The following PRRX1 variants were observed in gnomAD, a reference collection of about 807,000 sequenced individuals.
PRRX1 encodes paired mesoderm homeobox protein 1.
A neutral mutation model predicts 24.0 loss-of-function variants in PRRX1; 8 were observed. The observed-to-expected ratio is 0.33, with a 90% CI of 0.20 to 0.60. PRRX1 has a LOEUF of 0.60. PRRX1 is among the 20% of genes least tolerant of loss of function. The pLI, the probability that PRRX1 is intolerant of heterozygous loss-of-function variation, is 0.82. For synonymous variants in PRRX1, 160 were observed against 131.7 expected, an observed-to-expected ratio of 1.22 and a Z score of -1.47; for missense variants, 281 against 322.4, an observed-to-expected ratio of 0.87 and a Z score of 0.98.
chr1:170,718,549 C>A (rs1455098164), intron 1 of PRRX1, among the ~76,000 whole-genome samples: 2 of 152,180 alleles, frequency 1.3e-5, no homozygotes, highest in Non-Finnish European at 2.9e-5. Flanking sequence ...AGTGAATGGC[C>A]AAGCTCTCCT....
chr1:170,703,662 A>G (rs1654468422), intron 1 of PRRX1, among the ~76,000 whole-genome samples: 1 of 150,970 alleles, frequency 6.6e-6, no homozygotes, highest in Non-Finnish European at 1.5e-5. Flanking sequence ...GACACTTTCC[A>G]TTGGTATTTT....
intron 1 of PRRX1, among the ~76,000 whole-genome samples, chr1:170,691,284 A>G (rs1221069269): frequency 6.6e-6 from 1 of 152,134 alleles, no homozygotes; most frequent in Non-Finnish European, 1.5e-5. Flanking sequence ...CCAGAGAGTG[A>G]AATATAAAGT....
chr1:170,678,406 T>C (rs891133072), intron 1 of PRRX1, among the ~76,000 whole-genome samples: 2 of 152,234 alleles, frequency 1.3e-5, no homozygotes, highest in African/African-American at 4.8e-5. Context: ...TGAGGCACTT[T>C]GACAAGTTTA....
intron 1 of PRRX1, among the ~76,000 whole-genome samples, chr1:170,682,994 A>G (rs554949586): frequency 9.2e-5 from 14 of 152,336 alleles, no homozygotes; most frequent in African/African-American, 2.6e-4. Context: ...ATGTGACTGG[A>G]AGATAGTAAG....
At chr1:170,731,405 T>G (rs1022454109) in intron 3 of PRRX1, among the ~76,000 whole-genome samples, 10 of 152,192 alleles carry the variant, frequency 6.6e-5, no homozygotes, top group Non-Finnish European at 1.5e-4. Flanking sequence ...ATTGTAAACA[T>G]CTTGTCATCA....
chr1:170,718,560 T>C (rs950594229), intron 1 of PRRX1, among the ~76,000 whole-genome samples: 4 of 152,216 alleles, frequency 2.6e-5, no homozygotes, highest in Non-Finnish European at 5.9e-5. Context: ...AAGCTCTCCT[T>C]GTTCTCCCCA....
chr1:170,728,163 T>C (rs888255048), intron 3 of PRRX1: 1 of 152,152 alleles, frequency 6.6e-6, no homozygotes, highest in Admixed American at 6.5e-5. Flanking sequence ...TCCTTACCAG[T>C]GAGAGGCGTC....
chr1:170,675,741 C>T (rs1273128505), intron 1 of PRRX1, among the ~76,000 whole-genome samples: 4 of 151,952 alleles, frequency 2.6e-5, no homozygotes, highest in Non-Finnish European at 5.9e-5. Context: ...AAATTTTTCC[C>T]AAGCAAGTGG....
rs760675753 is a variant in PRRX1 at position 170,692,939 on chromosome 1, T to G, written c.242-26787T>G. ...TATGCCAGACAAATTTTGACAGCCTTATTGCTTTTCATCATGAAGTGATCC... is the reference window on the plus strand; with the variant it reads ...TATGCCAGACAAATTTTGACAGCCTGATTGCTTTTCATCATGAAGTGATCC... On this transcript the variant is annotated intron_variant, in intron 1 of 3. Transcript: ENST00000239461. Among the ~76,000 whole-genome samples, 44 of 152,144 alleles carry G rather than the reference T, an allele frequency of 2.9e-4. 1 individual carries two copies. The highest frequency in any genetic ancestry group is 8.5e-4 in the Admixed American group (13 of 15,248).
intron 1 of PRRX1, among the ~76,000 whole-genome samples, chr1:170,716,848 G>T (rs1654922758): frequency 6.6e-6 from 1 of 152,140 alleles, no homozygotes; most frequent in South Asian, 2.1e-4. Flanking sequence ...GTTTATCACA[G>T]GTCCTTCAGA....
intron 1 of PRRX1, among the ~76,000 whole-genome samples, chr1:170,681,902 G>A (rs1653559174): frequency 6.6e-6 from 1 of 152,186 alleles, no homozygotes; most frequent in South Asian, 2.1e-4. Flanking sequence ...GTTCTCTGTT[G>A]CTATGGAAAT....
Position 170,736,143 on chromosome 1 carries a change from A to G in PRRX1, c.695A>G (p.Lys232Arg). Reference protein sequence around the residue: ...NSIANLRLKAKEYSLQRNQVP... With the variant: ...NSIANLRLKAREYSLQRNQVP... ...ATTGCCAACCTGAGACTGAAGGCCA[A>G]GGAATATAGTTTACAGAGGAACCAG... Residue 232 changes from lysine to arginine, a missense_variant, in exon 4 of 4, where the codon AAG (lysine) becomes AGG (arginine). Coordinates refer to ENST00000239461, the MANE Select transcript of PRRX1 (RefSeq NM_022716.4). 4 of 1,614,186 alleles carry G rather than the reference A, an allele frequency of 2.5e-6. No individual in the cohort carries two copies. Among genetic ancestry groups the G allele is most frequent in the South Asian group, 1.1e-5 (1 of 91,084 alleles).
intron 3 of PRRX1, among the ~76,000 whole-genome samples, chr1:170,734,007 T>C (rs1655523932): frequency 6.6e-6 from 1 of 152,174 alleles, no homozygotes. Flanking sequence ...GGAACTCTTC[T>C]GCTTCTATCC....
At chr1:170,713,241 A>C (rs754733904) in intron 1 of PRRX1, among the ~76,000 whole-genome samples, 56 of 152,186 alleles carry the variant, frequency 3.7e-4, no homozygotes, top group Non-Finnish European at 1.2e-4. Flanking sequence ...CCTAAAACAG[A>C]TTCATCATCA....
At chr1:170,695,187 A>T (rs1262665952) in intron 1 of PRRX1, among the ~76,000 whole-genome samples, 1 of 152,154 alleles carries the variant, frequency 6.6e-6, no homozygotes, top group Non-Finnish European at 1.5e-5. Context: ...GGAGCTAGAG[A>T]GGGTGCCCTT....
intron 1 of PRRX1, among the ~76,000 whole-genome samples, chr1:170,675,610 G>A (rs762904405): frequency 2.6e-5 from 4 of 152,124 alleles, no homozygotes; most frequent in Non-Finnish European, 5.9e-5. Flanking sequence ...AGAGGAAGAA[G>A]CAATTATTAA....
intron 1 of PRRX1, among the ~76,000 whole-genome samples, chr1:170,714,031 G>A (rs1367695180): frequency 6.6e-6 from 1 of 152,178 alleles, no homozygotes; most frequent in Non-Finnish European, 1.5e-5. Flanking sequence ...ACTTGGCTTT[G>A]GTCATTGTGA....
chr1:170,718,921 G>T (rs1445121192), intron 1 of PRRX1, among the ~76,000 whole-genome samples: 1 of 152,200 alleles, frequency 6.6e-6, no homozygotes, highest in East Asian at 1.9e-4. Context: ...ACCAAGGAAG[G>T]ATCTTGACAG....
In PRRX1 at chr1:170,736,201, TA is replaced by T. The variant is rs1328488274; in HGVS notation, c.*18del. On this transcript the variant is annotated 3_prime_UTR_variant, in exon 4 of 4. Coordinates refer to ENST00000239461, the MANE Select transcript of PRRX1 (RefSeq NM_022716.4). ...CAGTCAACTGAGGAAAAAAAATAAT[TA>T]AACAGGCCTAAGAAGAAATCAAAAA... The T allele has an allele frequency of 2.5e-6, 4 of 1,613,840 alleles. No homozygotes were observed. The African/African-American group carries it at 5.3e-5, about 22-fold the overall frequency.
Sources: allele counts gnomAD v4.1 joint callset (sites outside exome capture counted in the v4.1 genomes callset), GRCh38; gene constraint gnomAD v4.1.1; transcripts MANE v1.5; gene names NCBI Gene and HGNC (gene_info 2026-07-23, HGNC 2026-07-21).